The following CNIH3 variants were observed in gnomAD, a reference collection of about 807,000 sequenced individuals.
The protein encoded by CNIH3 is protein cornichon homolog 3.
CNIH3 carries 14 observed loss-of-function variants against 24.1 expected under a neutral mutation model. That is an observed-to-expected ratio of 0.58 (90% confidence interval 0.38 to 0.91). The LOEUF (loss-of-function observed/expected upper bound fraction) is 0.91. Ranked by LOEUF, CNIH3 falls within the 40% of genes least tolerant of loss-of-function variation. The pLI is 0.00. For missense variants in CNIH3, 178 were observed against 196.8 expected (o/e 0.90, Z 0.57); for synonymous variants, 68 against 73.8 (o/e 0.92, Z 0.40).
chr1:224,696,113 TG>T (rs974973005), intron 3 of CNIH3, among the ~76,000 whole-genome samples: 2 of 151,740 alleles, frequency 1.3e-5, no homozygotes, highest in African/African-American at 4.8e-5. Context: ...TGGAATGGGG[TG>T]GGTGGGACTC....
chr1:224,582,556 G>A (rs572485137), intron 4 of CNIH3, among the ~76,000 whole-genome samples: 5 of 152,200 alleles, frequency 3.3e-5, no homozygotes, highest in East Asian at 3.9e-4. Context: ...TCCTTCTTAC[G>A]TGTACATGTA....
intron 1 of CNIH3, among the ~76,000 whole-genome samples, chr1:224,676,144 T>G (rs540084555): frequency 6.6e-6 from 1 of 152,354 alleles, no homozygotes; most frequent in African/African-American, 2.4e-5. Flanking sequence ...TACAATGGAA[T>G]ACTACTTGGC....
At chr1:224,568,779 A>G (rs901135278) in intron 4 of CNIH3, among the ~76,000 whole-genome samples, 8 of 152,108 alleles carry the variant, frequency 5.3e-5, no homozygotes, top group Non-Finnish European at 1.0e-4. Flanking sequence ...ATTACAGAAG[A>G]GTGAACACCT....
At chr1:224,730,942 T>A (rs1689294944) in intron 4 of CNIH3, among the ~76,000 whole-genome samples, 4 of 152,110 alleles carry the variant, frequency 2.6e-5, no homozygotes, top group Admixed American at 2.6e-4. Flanking sequence ...AGAAATGAAG[T>A]ACTGATACAT....
chr1:224,730,381 C>T (rs577939635), intron 3 of CNIH3, 81 bp from the exon 4 acceptor site: 4 of 874,640 alleles, frequency 4.6e-6, no homozygotes, highest in East Asian at 2.6e-5. Context: ...AGGCAGTGTC[C>T]AGGCAGAAGT....
intron 4 of CNIH3, chr1:224,574,629 C>A (rs1321248878): frequency 2.3e-6 from 2 of 862,212 alleles, no homozygotes; most frequent in East Asian, 2.4e-5. Flanking sequence ...GCTCAGGGAG[C>A]AGGTGGTGAA....
chr1:224,611,540 T>C (rs943613197), upstream of CNIH3: 3 of 152,274 alleles, frequency 2.0e-5, no homozygotes, highest in African/African-American at 7.2e-5. Context: ...TCTTAATGCG[T>C]TGATTTCCTC....
At chr1:224,574,596 G>T in intron 4 of CNIH3, 1 of 805,594 alleles carries the variant, frequency 1.2e-6, no homozygotes, top group Non-Finnish European at 2.2e-6. Context: ...TGAGAATGAC[G>T]TGGGGGTGGC....
intron 5 of CNIH3, among the ~76,000 whole-genome samples, chr1:224,583,806 A>G (rs1305747388): frequency 6.6e-6 from 1 of 152,212 alleles, no homozygotes; most frequent in Admixed American, 6.5e-5. Flanking sequence ...GTAATGGCCT[A>G]CTTTTAATGT....
chr1:224,630,958 A>C (rs2125078141), intron 1 of CNIH3, among the ~76,000 whole-genome samples: 1 of 152,202 alleles, frequency 6.6e-6, no homozygotes, highest in South Asian at 2.1e-4. Flanking sequence ...CAAGAGATTG[A>C]GACCAGCCTG....
intron 5 of CNIH3, among the ~76,000 whole-genome samples, chr1:224,586,553 G>T (rs552068116): frequency 8.5e-5 from 13 of 152,284 alleles, no homozygotes; most frequent in South Asian, 8.3e-4. Flanking sequence ...CCAGTACTTT[G>T]CTTCCCTGGG....
intron 3 of CNIH3, among the ~76,000 whole-genome samples, chr1:224,719,746 T>A (rs1688614115): frequency 6.6e-6 from 1 of 152,244 alleles, no homozygotes; most frequent in Admixed American, 6.5e-5. Context: ...TAGTCCAAGC[T>A]ACAGCCCAAG....
At position 224,647,263 on chromosome 1, in the gene CNIH3, G is replaced by A. The variant is rs150094067; in HGVS notation, c.81+30008G>A. On this transcript the variant is annotated intron_variant, in intron 1 of 5. Transcript: ENST00000272133. ...ATCCCAAAGTGCCGTAATTATAGGC[G>A]TGAGGCACTGTGCCCGTCCTACAGT... Among the ~76,000 whole-genome samples the A allele has an allele frequency of 2.9e-3, 437 of 152,354 alleles. 2 individuals are homozygous for A. Among genetic ancestry groups the A allele is most frequent in the African/African-American group, 9.2e-3 (382 of 41,578 alleles).
chr1:224,574,492 C>T (rs1295996133), intron 4 of CNIH3: 2 of 661,668 alleles, frequency 3.0e-6, no homozygotes, highest in Non-Finnish European at 5.5e-6. Context: ...GGGCTAGGCA[C>T]CTGGAATTCC....
At chr1:224,613,161 C>G (rs1351179544), upstream of CNIH3, among the ~76,000 whole-genome samples, 3 of 152,064 alleles carry the variant, frequency 2.0e-5, no homozygotes, top group Non-Finnish European at 2.9e-5. Context: ...CCATGCCTGG[C>G]TAATTTTATT....
At chr1:224,738,383 G>A (rs1018638511) in intron 5 of CNIH3, among the ~76,000 whole-genome samples, 2 of 152,190 alleles carry the variant, frequency 1.3e-5, no homozygotes, top group Admixed American at 1.3e-4. Flanking sequence ...GCTTCCCCAA[G>A]TAGAGTAAGT....
intron 1 of CNIH3, among the ~76,000 whole-genome samples, chr1:224,505,032 CCCTT>C (rs1181782404): frequency 0.19 from 8,782 of 45,630 alleles, 781 homozygotes; most frequent in Non-Finnish European, 0.22. Context: ...CTCCCTCCCT[CCCTT>C]CCTTCCTTCC....
intron 3 of CNIH3, among the ~76,000 whole-genome samples, chr1:224,610,080 A>C (rs1462903863): frequency 2.0e-5 from 3 of 152,244 alleles, no homozygotes; most frequent in Non-Finnish European, 2.9e-5. Flanking sequence ...TGAGATATTC[A>C]ATACTTTATT....
intron 1 of CNIH3, among the ~76,000 whole-genome samples, chr1:224,506,732 A>G (rs1345849476): frequency 1.3e-5 from 2 of 152,214 alleles, no homozygotes; most frequent in African/African-American, 2.4e-5. Flanking sequence ...TCTCCATACT[A>G]GAACTTCACA....
Sources: gnomAD v4.1 joint callset for allele counts (sites outside exome capture counted in the v4.1 genomes callset) on GRCh38, gnomAD v4.1.1 for gene constraint, MANE v1.5 for transcripts, NCBI Gene and HGNC (gene_info 2026-07-23, HGNC 2026-07-21) for gene names.